Variants in LRBA observed in about 807,000 individuals in gnomAD.
LRBA encodes lipopolysaccharide-responsive and beige-like anchor protein.
LRBA carries 176 observed loss-of-function variants against 330.0 expected under a neutral mutation model. The observed-to-expected ratio is 0.53, with a 90% CI of 0.47 to 0.60. LRBA has a LOEUF of 0.60. Ranked by LOEUF, LRBA falls within the 20% of genes least tolerant of loss-of-function variation. The pLI, the probability that LRBA is intolerant of heterozygous loss-of-function variation, is 0.00. For synonymous variants in LRBA, 1,230 were observed against 1,193.0 expected (o/e 1.03, Z -0.64); for missense variants, 3,259 against 3,444.8 (o/e 0.95, Z 1.35).
At chr4:150,587,235 G>T (rs767897045) in intron 40 of LRBA, among the ~76,000 whole-genome samples, 5 of 152,042 alleles carry the variant, frequency 3.3e-5, no homozygotes, top group Non-Finnish European at 7.4e-5. Flanking sequence ...CAAAATCAAA[G>T]AACCTACCAA....
In LRBA at chr4:150,958,084, G is replaced by A. The variant is rs556598213; in HGVS notation, c.217-29019C>T. On this transcript the variant is annotated intron_variant, in intron 2 of 56. Coordinates refer to ENST00000651943, the MANE Select transcript of LRBA (RefSeq NM_001364905.1). ...GGCCCTCTTCTCACAGCTCCACTAG[G>A]CAGTGCCCCAGTGGAAACTCTGTGG... 2.7e-4 allele frequency among the ~76,000 whole-genome samples: 40 copies of A among 149,242 alleles called. No individual in the cohort carries two copies. The East Asian group carries it at 4.2e-3, about 16-fold the overall frequency.
At chr4:150,968,777 C>G (rs1739193920) in intron 2 of LRBA, among the ~76,000 whole-genome samples, 1 of 152,168 alleles carries the variant, frequency 6.6e-6, no homozygotes, top group African/African-American at 2.4e-5. Flanking sequence ...GACAAAACAG[C>G]CTTCTATTGC....
intron 26 of LRBA, among the ~76,000 whole-genome samples, chr4:150,847,379 T>C (rs962112497): frequency 2.0e-5 from 3 of 152,312 alleles, no homozygotes; most frequent in African/African-American, 4.8e-5. Flanking sequence ...AGATATACCA[T>C]TGATTATTAA....
chr4:150,693,614 AAACAT>A (rs1784353905), intron 36 of LRBA, among the ~76,000 whole-genome samples: 1 of 151,518 alleles, frequency 6.6e-6, no homozygotes, highest in East Asian at 1.9e-4. Context: ...GTGCTAAAAG[AAACAT>A]ACTTAAGTTT....
At chr4:150,936,512 A>G (rs981626568) in intron 2 of LRBA, among the ~76,000 whole-genome samples, 8 of 152,040 alleles carry the variant, frequency 5.3e-5, no homozygotes, top group African/African-American at 1.9e-4. Flanking sequence ...CTTCTTGTGG[A>G]AAAGAATTGC....
In LRBA at chr4:150,929,043, A is replaced by G. The variant is rs1211273094; in HGVS notation, c.239T>C (p.Leu80Pro). ...FNLLVGGQFD[L>P]EMNFIIQEGE... is the part of the protein sequence containing the mutation. ...TTCTTGGATAATGAAATTCATTTCC[A>G]GATCAAACTGTCCTCCTACCAACTT... Residue 80 changes from leucine to proline, a missense_variant, in exon 3 of 57, where the codon CTG (leucine) becomes CCG (proline). Transcript: ENST00000651943. 2 of 1,612,656 alleles carry G rather than the reference A, an allele frequency of 1.2e-6. No individual in the cohort carries two copies. The highest frequency in any genetic ancestry group is 1.7e-5 in the Admixed American group (1 of 59,968).
chr4:150,270,684 AT>A (rs568197900), intron 56 of LRBA, among the ~76,000 whole-genome samples: 14 of 152,224 alleles, frequency 9.2e-5, no homozygotes, highest in East Asian at 3.9e-4. Context: ...TGTTGCCACA[AT>A]TTTTTTTAAA....
At chr4:150,641,656 T>C (rs1180781322) in intron 37 of LRBA, among the ~76,000 whole-genome samples, 1 of 152,162 alleles carries the variant, frequency 6.6e-6, no homozygotes, top group Non-Finnish European at 1.5e-5. Context: ...AGTGGAACTA[T>C]CTAAACATCA....
At position 150,846,325 on chromosome 4, in the gene LRBA, T is replaced by A. The variant is rs190114735; in HGVS notation, c.4340-1546A>T. On this transcript the variant is annotated intron_variant, in intron 26 of 56. Transcript: ENST00000651943. ...GCGGGGGGATCACAAGGTCAGGAGA[T>A]CGAGACCATGCTGGTCAACATGGTG... 2.2e-4 allele frequency among the ~76,000 whole-genome samples: 33 copies of A among 151,996 alleles called. No individual in the cohort carries two copies. In the Middle Eastern group the frequency reaches 0.01, roughly 47 times the overall value.
chr4:150,900,541 T>C (rs551785700), intron 13 of LRBA, among the ~76,000 whole-genome samples: 1 of 152,194 alleles, frequency 6.6e-6, no homozygotes, highest in Non-Finnish European at 1.5e-5. Context: ...GTAACTTCTT[T>C]ATAATAGACT....
intron 47 of LRBA, among the ~76,000 whole-genome samples, chr4:150,358,555 C>T (rs1051065301): frequency 4.6e-5 from 7 of 151,030 alleles, no homozygotes; most frequent in Non-Finnish European, 8.9e-5. Flanking sequence ...GTAAAGTATC[C>T]CTAGAAACTT....
chr4:150,675,103 G>A (rs1782418267), intron 37 of LRBA, among the ~76,000 whole-genome samples: 1 of 152,082 alleles, frequency 6.6e-6, no homozygotes, highest in South Asian at 2.1e-4. Flanking sequence ...GGGAGGCTGA[G>A]TTAAAAGGAC....
intron 36 of LRBA, among the ~76,000 whole-genome samples, chr4:150,689,924 G>A (rs1024610274): frequency 2.0e-5 from 3 of 149,174 alleles, no homozygotes; most frequent in African/African-American, 7.4e-5. Context: ...AAAAGAAGAA[G>A]AAATAATAAT....
chr4:150,901,033 C>T (rs1292714826), intron 13 of LRBA, among the ~76,000 whole-genome samples: 3 of 152,144 alleles, frequency 2.0e-5, no homozygotes, highest in African/African-American at 7.2e-5. Flanking sequence ...CCCAGTGATT[C>T]ACGCCTGTAA....
At chr4:150,546,964 T>C (rs1004389553) in intron 40 of LRBA, among the ~76,000 whole-genome samples, 2 of 152,208 alleles carry the variant, frequency 1.3e-5, no homozygotes, top group Admixed American at 6.5e-5. Context: ...TTATGACAGA[T>C]AATATTTATT....
At chr4:150,587,572 T>C (rs1207130444) in intron 40 of LRBA, among the ~76,000 whole-genome samples, 2 of 152,166 alleles carry the variant, frequency 1.3e-5, no homozygotes, top group East Asian at 1.9e-4. Flanking sequence ...AAATCTACTA[T>C]AGGTAATGGG....
At chr4:150,837,336 T>C (rs1748274343) in intron 28 of LRBA, among the ~76,000 whole-genome samples, 1 of 152,286 alleles carries the variant, frequency 6.6e-6, no homozygotes, top group South Asian at 2.1e-4. Flanking sequence ...CTGAGTTCAA[T>C]TCCTGGGTAT....
At chr4:150,483,907 T>C (rs1197255972) in intron 42 of LRBA, among the ~76,000 whole-genome samples, 1 of 152,108 alleles carries the variant, frequency 6.6e-6, no homozygotes, top group Non-Finnish European at 1.5e-5. Flanking sequence ...AACACTAGTT[T>C]TAATTTCAAT....
chr4:150,288,219 T>G (rs951388722), intron 53 of LRBA, among the ~76,000 whole-genome samples: 2 of 151,940 alleles, frequency 1.3e-5, no homozygotes, highest in Middle Eastern at 3.2e-3. Context: ...GACCTCGTGA[T>G]CCGCCTGCCT....
Sources: allele counts gnomAD v4.1 joint callset (sites outside exome capture counted in the v4.1 genomes callset), GRCh38; gene constraint gnomAD v4.1.1; transcripts MANE v1.5; gene names NCBI Gene and HGNC (gene_info 2026-07-23, HGNC 2026-07-21).